The following SSH2 variants were observed in gnomAD, a reference collection of about 807,000 sequenced individuals.
SSH2 encodes slingshot protein phosphatase 2, also known as protein phosphatase Slingshot homolog 2.
In SSH2, 37 loss-of-function variants were observed where a neutral mutation model predicts 135.2. The observed-to-expected ratio is 0.27, with a 90% CI of 0.21 to 0.36. The LOEUF (loss-of-function observed/expected upper bound fraction) is 0.36, where lower values mean the gene tolerates loss of function less well. Ranked by LOEUF, SSH2 falls within the 10% of genes least tolerant of loss-of-function variation. The pLI, the probability that SSH2 is intolerant of heterozygous loss-of-function variation, is 1.00. For synonymous variants in SSH2, 628 were observed against 646.2 expected (o/e 0.97, Z 0.43); for missense variants, 1,408 against 1,765.3 (o/e 0.80, Z 3.63).
chr17:29,849,430 G>A (rs1279502268), intron 1 of SSH2, among the ~76,000 whole-genome samples: 1 of 142,466 alleles, frequency 7.0e-6, no homozygotes, highest in Admixed American at 7.4e-5. Context: ...AGTGAGCCGA[G>A]ATCGCGCCAC....
At chr17:29,796,128 T>G (rs1210220321) in intron 2 of SSH2, among the ~76,000 whole-genome samples, 1 of 152,252 alleles carries the variant, frequency 6.6e-6, no homozygotes, top group East Asian at 1.9e-4. Context: ...TTAATACCTA[T>G]GAACACCATT....
At position 29,627,417 on chromosome 17, in the gene SSH2, T is replaced by C. The variant is rs1022747833; in HGVS notation, c.*3424A>G. ...GAAGCTTCTCATAGGAAGCTTTGAGTTTACCCAACAGCATCTGTCTGGGGC... is the reference window on the plus strand; with the variant it reads ...GAAGCTTCTCATAGGAAGCTTTGAGCTTACCCAACAGCATCTGTCTGGGGC... On this transcript the variant is annotated 3_prime_UTR_variant, in exon 16 of 16. Coordinates refer to ENST00000540801, the MANE Select transcript of SSH2 (RefSeq NM_001282129.2). 1 of 152,446 alleles carries C rather than the reference T, an allele frequency of 6.6e-6. No homozygotes were observed. Among genetic ancestry groups the C allele is most frequent in the African/African-American group, 2.4e-5 (1 of 41,418 alleles). The allele number at this position is 152,446 out of a possible 1,614,324, so 9.4% of individuals were successfully genotyped here.
At chr17:29,832,654 T>C (rs867205902) in intron 2 of SSH2, among the ~76,000 whole-genome samples, 20 of 152,012 alleles carry the variant, frequency 1.3e-4, no homozygotes, top group South Asian at 8.3e-4. Context: ...TTGATTTCAA[T>C]TTTTTTTGGT....
Position 29,741,018 on chromosome 17 carries a change from T to C in SSH2, c.189-37956A>G, listed in dbSNP as rs557471130. ...ATAATTAGTTTCTTCATTGTAACTA[T>C]TGATGTACTATTATTTCATCTTTCC... On this transcript the variant is annotated intron_variant, in intron 3 of 15. Transcript: ENST00000540801. 7.2e-5 allele frequency among the ~76,000 whole-genome samples: 11 copies of C among 152,332 alleles called. No homozygotes were observed. The South Asian group carries it at 8.3e-4, about 11-fold the overall frequency.
At chr17:29,837,362 C>T (rs976634054) in intron 2 of SSH2, among the ~76,000 whole-genome samples, 1 of 152,152 alleles carries the variant, frequency 6.6e-6, no homozygotes, top group Non-Finnish European at 1.5e-5. Flanking sequence ...TAGAAATTCA[C>T]GGAAAGAAAG....
Position 29,695,446 on chromosome 17 carries a change from A to C in SSH2, c.357+13T>G, listed in dbSNP as rs1177719264. On this transcript the variant is annotated intron_variant, in intron 5 of 15. Coordinates refer to ENST00000540801, the MANE Select transcript of SSH2 (RefSeq NM_001282129.2). ...TTTTGAGGAAGAAAATTATGATGACACCACTAACTTACCAGCCTGATGTTG... is the reference window on the plus strand; with the variant it reads ...TTTTGAGGAAGAAAATTATGATGACCCCACTAACTTACCAGCCTGATGTTG... The C allele has an allele frequency of 6.2e-7, 1 of 1,606,996 alleles. No individual in the cohort carries two copies. The highest frequency in any genetic ancestry group is 8.5e-7 in the Non-Finnish European group (1 of 1,176,926).
intron 11 of SSH2, among the ~76,000 whole-genome samples, chr17:29,662,379 A>T (rs1334114985): frequency 2.0e-5 from 3 of 152,228 alleles, no homozygotes; most frequent in Non-Finnish European, 4.4e-5. Flanking sequence ...ATATCCAAGG[A>T]CTGGTATCTC....
intron 5 of SSH2, 61 bp downstream of exon 5, chr17:29,695,398 A>G: frequency 7.5e-7 from 1 of 1,341,708 alleles, no homozygotes; most frequent in South Asian, 1.2e-5. Flanking sequence ...ATGACTGTTC[A>G]ATTTTGGCTA....
chr17:29,632,214 C>A lies in SSH2; in HGVS notation c.2980G>T (p.Asp994Tyr). The A allele has an allele frequency of 6.2e-7, 1 of 1,614,028 alleles. No homozygotes were observed. ...TCTGACCCTGGGCCCTCCTGAGGAT[C>A]TGGCAAGTGGTCAAACTCCAGCACC... ...PRVLEFDHLPDPQEGPGSDTG... is the reference protein window; with the variant it reads ...PRVLEFDHLPYPQEGPGSDTG... Residue 994 changes from aspartate to tyrosine, a missense_variant, in exon 16 of 16, where the codon GAT (aspartate) becomes TAT (tyrosine). Asp to Tyr is a radical substitution (Grantham distance 160). Around this residue, in one of 3 missense-constraint regions of SSH2, gnomAD observed 1,080 missense variants for 1,144.5 expected, o/e 0.94. Coordinates refer to ENST00000540801, the MANE Select transcript of SSH2 (RefSeq NM_001282129.2).
At chr17:29,884,507 T>C (rs900155904) in intron 1 of SSH2, among the ~76,000 whole-genome samples, 3 of 152,208 alleles carry the variant, frequency 2.0e-5, no homozygotes, top group Non-Finnish European at 2.9e-5. Context: ...AACATTACTT[T>C]AGGATATTTT....
At chr17:29,717,851 A>G (rs978503797) in intron 3 of SSH2, among the ~76,000 whole-genome samples, 2 of 152,188 alleles carry the variant, frequency 1.3e-5, no homozygotes, top group African/African-American at 4.8e-5. Context: ...CCTGGGCAAC[A>G]TAGCTTGTGC....
intron 2 of SSH2, among the ~76,000 whole-genome samples, chr17:29,806,441 C>A (rs2151320317): frequency 6.6e-6 from 1 of 152,320 alleles, no homozygotes; most frequent in East Asian, 1.9e-4. Context: ...AGATTCTGCT[C>A]CCTTCCATTC....
At position 29,636,421 on chromosome 17, in the gene SSH2, T is replaced by C; in HGVS notation, c.1809A>G (p.Leu603=). Residue 603 remains leucine, a synonymous_variant, in exon 15 of 16, where the codon TTA becomes TTG. Transcript: ENST00000540801. ...PLDNCHASKA[L]IQPGHVPEMA... ...TTTCTGGGACATGTCCAGGCTGAAT[T>C]AAGGCTTTGGATGCATGGCAATTGT... is the stretch of plus-strand genomic sequence containing the variant. 6.2e-7 allele frequency: 1 copy of C among 1,614,196 alleles called. No homozygotes were observed. Among genetic ancestry groups the C allele is most frequent in the Non-Finnish European group, 8.5e-7 (1 of 1,180,034 alleles).
chr17:29,819,030 C>T lies in SSH2; in HGVS notation c.145-25093G>A, dbSNP rs1219471962. ...TCACCTGAGGTCGGGAGTTTGAGAC[C>T]AGCCTGACCAACATGGAGACACCCC... On this transcript the variant is annotated intron_variant, in intron 2 of 15. Coordinates refer to ENST00000540801, the MANE Select transcript of SSH2 (RefSeq NM_001282129.2). Among the ~76,000 whole-genome samples the T allele has an allele frequency of 2.6e-5, 4 of 152,042 alleles. No homozygotes were observed. In the East Asian group the frequency reaches 7.7e-4, roughly 29 times the overall value.
intron 2 of SSH2, among the ~76,000 whole-genome samples, chr17:29,795,996 G>T (rs933610954): frequency 6.6e-5 from 10 of 152,178 alleles, no homozygotes; most frequent in Admixed American, 5.2e-4. Context: ...ACCCCCATCG[G>T]CCTCCCAGAG....
chr17:29,705,665 A>G (rs1402072221), intron 3 of SSH2, among the ~76,000 whole-genome samples: 1 of 152,198 alleles, frequency 6.6e-6, no homozygotes, highest in Non-Finnish European at 1.5e-5. Flanking sequence ...GTAACATCCT[A>G]CAGGACTACT....
chr17:29,848,145 C>A (rs141978324), intron 2 of SSH2, among the ~76,000 whole-genome samples: 2,162 of 152,270 alleles, frequency 0.014, 32 homozygotes, highest in South Asian at 0.047. Flanking sequence ...CACTACTAGG[C>A]CATTCAATAC....
intron 3 of SSH2, among the ~76,000 whole-genome samples, chr17:29,724,889 C>T (rs902589062): frequency 3.3e-5 from 5 of 151,376 alleles, no homozygotes; most frequent in Non-Finnish European, 5.9e-5. Context: ...CGTGCCTGGC[C>T]GTTAATTTTT....
At chr17:29,661,298 AC>A (rs371629990) in intron 11 of SSH2, among the ~76,000 whole-genome samples, 22 of 152,246 alleles carry the variant, frequency 1.4e-4, no homozygotes, top group African/African-American at 4.6e-4. Context: ...CTGTACAAAT[AC>A]CTAGTCTCAT....
Sources: gnomAD v4.1 joint callset for allele counts (sites outside exome capture counted in the v4.1 genomes callset) on GRCh38, gnomAD v4.1.1 for gene constraint, gnomAD v4.1.1 regional missense constraint, MANE v1.5 for transcripts, NCBI Gene and HGNC (gene_info 2026-07-23, HGNC 2026-07-21) for gene names.